Variants in KAZN observed in about 807,000 individuals in gnomAD.
KAZN encodes the protein kazrin.
In KAZN, 40 loss-of-function variants were observed where a neutral mutation model predicts 87.4. The ratio of observed to expected loss-of-function variants is 0.46; its 90% confidence interval spans 0.36 to 0.60. The LOEUF (loss-of-function observed/expected upper bound fraction) is 0.60. Among genes scored for constraint, KAZN ranks in the 20% least tolerant of loss-of-function variants. The probability of loss-of-function intolerance (pLI) is 0.00; values close to 1 mark genes in which losing one functional copy is unlikely to be tolerated. For synonymous variants in KAZN, 466 were observed against 458.3 expected (o/e 1.02, Z -0.22); for missense variants, 898 against 1,073.9 (o/e 0.84, Z 2.29).
intron 2 of KAZN, among the ~76,000 whole-genome samples, chr1:14,555,532 T>C (rs1181714234): frequency 6.6e-6 from 1 of 152,190 alleles, no homozygotes; most frequent in South Asian, 2.1e-4. Context: ...CATTTCAAGA[T>C]GTTTTAAAAA....
intron 2 of KAZN, among the ~76,000 whole-genome samples, chr1:14,202,370 G>C (rs1646657103): frequency 6.6e-6 from 1 of 152,202 alleles, no homozygotes; most frequent in South Asian, 2.1e-4. Context: ...CTAAATATGT[G>C]ACTAGCTGAG....
chr1:14,755,632 C>T (rs571982060), intron 1 of KAZN, among the ~76,000 whole-genome samples: 2 of 152,300 alleles, frequency 1.3e-5, no homozygotes, highest in East Asian at 1.9e-4. Flanking sequence ...TAATCGCTGA[C>T]TGTTTCCTGC....
chr1:14,961,322 G>A (rs1235304603), intron 2 of KAZN, among the ~76,000 whole-genome samples: 1 of 152,190 alleles, frequency 6.6e-6, no homozygotes, highest in East Asian at 1.9e-4. Context: ...CCTGGGCCCA[G>A]AGGAAGGAGT....
intron 1 of KAZN, among the ~76,000 whole-genome samples, chr1:14,955,310 C>G (rs1260265792): frequency 1.3e-5 from 2 of 152,230 alleles, no homozygotes; most frequent in African/African-American, 4.8e-5. Context: ...CTTATTTATT[C>G]CCATCTCCCC....
In KAZN at chr1:14,465,324, G is replaced by A. The variant is rs564378462; in HGVS notation, c.250-133659G>A. ...TGAGGCAGGAGAATGGCGTGAACCC[G>A]GGAGGTGGAGCTGGCAGTGAGCTGA... On this transcript the variant is annotated intron_variant, in intron 2 of 16. Transcript: ENST00000636203. Among the ~76,000 whole-genome samples, 17 of 151,068 alleles carry A rather than the reference G, an allele frequency of 1.1e-4. No homozygotes were observed. The East Asian group carries it at 2.4e-3, about 21-fold the overall frequency.
chr1:14,465,705 A>G (rs1668088451), intron 2 of KAZN, among the ~76,000 whole-genome samples: 1 of 152,174 alleles, frequency 6.6e-6, no homozygotes, highest in African/African-American at 2.4e-5. Context: ...TGGACTCAAC[A>G]GGCAGAGTAG....
intron 2 of KAZN, among the ~76,000 whole-genome samples, chr1:14,463,496 A>G (rs532132743): frequency 1.3e-4 from 20 of 152,302 alleles, no homozygotes; most frequent in African/African-American, 4.8e-4. Context: ...ATATTTCTAT[A>G]AGGTGCTTCT....
chr1:14,060,785 C>T (rs183887916), intron 1 of KAZN, among the ~76,000 whole-genome samples: 7 of 152,308 alleles, frequency 4.6e-5, no homozygotes, highest in Admixed American at 4.6e-4. Context: ...GGAAGTAGAA[C>T]AAGGTGTTGT....
chr1:14,648,622 G>C (rs530369678), intron 1 of KAZN, among the ~76,000 whole-genome samples: 1 of 152,112 alleles, frequency 6.6e-6, no homozygotes, highest in Non-Finnish European at 1.5e-5. Flanking sequence ...AGGAGGGATT[G>C]GAACTTGGAC....
intron 2 of KAZN, among the ~76,000 whole-genome samples, chr1:14,419,926 G>A (rs192846259): frequency 7.9e-5 from 12 of 152,102 alleles, no homozygotes; most frequent in Non-Finnish European, 1.6e-4. Context: ...TGCAAAGAGC[G>A]AAAGAACAAA....
intron 2 of KAZN, among the ~76,000 whole-genome samples, chr1:14,553,443 C>G (rs535125572): frequency 6.6e-6 from 1 of 152,338 alleles, no homozygotes; most frequent in African/African-American, 2.4e-5. Context: ...CCGCCCCATG[C>G]AAGTGAAACT....
chr1:13,893,977 C>A (rs547134500), intron 1 of KAZN, among the ~76,000 whole-genome samples: 13 of 152,250 alleles, frequency 8.5e-5, no homozygotes, highest in Admixed American at 7.8e-4. Flanking sequence ...TGAGACAACG[C>A]GCTGCTTTTG....
chr1:14,194,574 G>T (rs1646487935), intron 2 of KAZN, among the ~76,000 whole-genome samples: 1 of 152,184 alleles, frequency 6.6e-6, no homozygotes, highest in Non-Finnish European at 1.5e-5. Context: ...TGGGGAGGCA[G>T]TCTGTAAAGT....
chr1:14,988,468 G>A (rs749812964), intron 2 of KAZN, among the ~76,000 whole-genome samples: 6 of 152,212 alleles, frequency 3.9e-5, no homozygotes, highest in Non-Finnish European at 2.9e-5. Flanking sequence ...AGCCCTGCTG[G>A]AGGGAATCGT....
Position 15,104,102 on chromosome 1 carries a change from T to C in KAZN, c.1961T>C (p.Met654Thr). 1 of 1,612,630 alleles carries C rather than the reference T, an allele frequency of 6.2e-7. No individual in the cohort carries two copies. Among genetic ancestry groups the C allele is most frequent in the Non-Finnish European group, 8.5e-7 (1 of 1,179,444 alleles). ...GAGCCCACATTCAATGCCGAGGCCA[T>C]GGCCACTGCCCTGGGCATCCCCAGT... ...VLEPTFNAEA[M>T]ATALGIPSGK... Residue 654 changes from methionine (M) to threonine (T), a missense_variant, in exon 13 of 15, where the codon ATG becomes ACG. By Grantham distance (81) the Met-to-Thr change is moderately conservative. Transcript: ENST00000376030.
At chr1:14,320,226 T>G (rs1016501186) in intron 2 of KAZN, among the ~76,000 whole-genome samples, 1 of 152,140 alleles carries the variant, frequency 6.6e-6, no homozygotes, top group African/African-American at 2.4e-5. Flanking sequence ...GCGCAATATG[T>G]GATTACCGCA....
chr1:14,736,299 G>GTGTATA (rs1214411509), intron 1 of KAZN, among the ~76,000 whole-genome samples: 12 of 121,096 alleles, frequency 9.9e-5, no homozygotes, highest in African/African-American at 3.3e-4. Context: ...GTGTGTGTGT[G>GTGTATA]TATATTTTTT....
intron 12 of KAZN, 40 bp from the exon 13 acceptor site, chr1:15,103,983 G>T (rs765229947): frequency 6.3e-7 from 1 of 1,594,230 alleles, no homozygotes; most frequent in South Asian, 1.1e-5. Flanking sequence ...CCAGCAGCAT[G>T]GCCCCTGCAG....
intron 2 of KAZN, among the ~76,000 whole-genome samples, chr1:14,972,989 A>G (rs961741322): frequency 6.6e-6 from 1 of 151,932 alleles, no homozygotes. Flanking sequence ...TATCCTGAGC[A>G]TGCCATATGC....
Sources: allele counts gnomAD v4.1 joint callset (sites outside exome capture counted in the v4.1 genomes callset), GRCh38; gene constraint gnomAD v4.1.1; transcripts MANE v1.5; gene names NCBI Gene and HGNC (gene_info 2026-07-23, HGNC 2026-07-21).